Variants in PIEZO2 observed in about 807,000 individuals in gnomAD.
PIEZO2 encodes the protein piezo-type mechanosensitive ion channel component 2.
Under a neutral mutation model 337.3 loss-of-function variants are expected in PIEZO2, and 172 were observed. That is an observed-to-expected ratio of 0.51 (90% CI 0.45 to 0.58). The LOEUF (loss-of-function observed/expected upper bound fraction) is 0.58, where lower values mean the gene tolerates loss of function less well. Ranked by LOEUF, PIEZO2 falls within the 20% of genes least tolerant of loss-of-function variation. PIEZO2 has a pLI of 0.00. For synonymous variants in PIEZO2, 1,251 were observed against 1,228.5 expected (o/e 1.02, Z -0.38); for missense variants, 3,028 against 3,391.3 (o/e 0.89, Z 2.66).
chr18:11,049,813 CTG>C (rs2145843907), intron 2 of PIEZO2, among the ~76,000 whole-genome samples: 1 of 152,304 alleles, frequency 6.6e-6, no homozygotes, highest in South Asian at 2.1e-4. Flanking sequence ...CCACGTGGAA[CTG>C]TGAGTCCATT....
At chr18:10,866,262 C>G (rs957942943) in intron 5 of PIEZO2, among the ~76,000 whole-genome samples, 17 of 150,608 alleles carry the variant, frequency 1.1e-4, no homozygotes, top group African/African-American at 3.7e-4. Flanking sequence ...ACTCAATGAA[C>G]ATATTGTCAA....
intron 27 of PIEZO2, among the ~76,000 whole-genome samples, chr18:10,754,349 T>A (rs2037756965): frequency 6.6e-6 from 1 of 152,196 alleles, no homozygotes; most frequent in Non-Finnish European, 1.5e-5. Flanking sequence ...CTGACCCCTG[T>A]TGGAGAGGAA....
chr18:10,866,011 TA>T (rs937295186), intron 5 of PIEZO2, among the ~76,000 whole-genome samples: 5 of 152,210 alleles, frequency 3.3e-5, no homozygotes, highest in African/African-American at 1.2e-4. Context: ...AATATTGATC[TA>T]AAAAGATAGT....
In PIEZO2 at chr18:11,008,222, C is replaced by T. The variant is rs114648982; in HGVS notation, c.161-28562G>A. Among the ~76,000 whole-genome samples the T allele has an allele frequency of 9.4e-3, 1,424 of 152,248 alleles. 23 individuals are homozygous for T. Among genetic ancestry groups the T allele is most frequent in the African/African-American group, 0.031 (1,296 of 41,542 alleles). On this transcript the variant is annotated intron_variant, in intron 2 of 55. Transcript: ENST00000674853. Reference sequence around the variant, plus strand: ...CTAAATTGTCTAGATACTGACCAAACTACCTTTGCCTCTGAGCCACAATTC... The same window carrying T: ...CTAAATTGTCTAGATACTGACCAAATTACCTTTGCCTCTGAGCCACAATTC...
chr18:10,925,420 A>AT (rs1568205114), intron 3 of PIEZO2, among the ~76,000 whole-genome samples: 3 of 152,178 alleles, frequency 2.0e-5, no homozygotes, highest in Non-Finnish European at 4.4e-5. Flanking sequence ...TTGATCCCTC[A>AT]AATATAATGG....
chr18:11,049,660 A>G (rs113742879), intron 2 of PIEZO2, among the ~76,000 whole-genome samples: 1,921 of 152,242 alleles, frequency 0.013, 49 homozygotes, highest in African/African-American at 0.044. Context: ...GGTTTCCCCC[A>G]TACTGTTCTC....
chr18:11,073,800 A>G (rs1250855708), intron 1 of PIEZO2, among the ~76,000 whole-genome samples: 1 of 151,904 alleles, frequency 6.6e-6, no homozygotes, highest in East Asian at 1.9e-4. Flanking sequence ...GAACTTGGCA[A>G]TATGGCACAT....
rs763624322 is a variant in PIEZO2, at chr18:11,148,657, G to C, written c.-69C>G. 6.7e-7 allele frequency: 1 copy of C among 1,481,864 alleles called. No homozygotes were observed. Among genetic ancestry groups the C allele is most frequent in the South Asian group, 1.2e-5 (1 of 82,812 alleles). 91.8% of individuals were successfully genotyped at this position (1,481,864 alleles called of 1,614,324 possible). ...GTCCCTAGGGGTGGTGGGACGCAAG[G>C]CCCATGCCCGTCTATGGCCTCTCGC... is the stretch of plus-strand genomic sequence containing the variant. On this transcript the variant is annotated 5_prime_UTR_variant, in exon 1 of 56. Transcript: ENST00000674853. This position sits in a 1 kb window ranked among gnomAD's most constrained non-coding sequence, Gnocchi z 5.2.
rs2040754319 is a variant in PIEZO2, at chr18:10,828,754, C to T, written c.918-21480G>A. Among the ~76,000 whole-genome samples the T allele has an allele frequency of 6.6e-6, 1 of 152,100 alleles. No individual in the cohort carries two copies. Among genetic ancestry groups the T allele is most frequent in the Admixed American group, 6.5e-5 (1 of 15,274 alleles). ...AACATGACAGTCTTATAATACATTT[C>T]CCTTCCTTACTAGCTAATGCCCAGA... On this transcript the variant is annotated intron_variant, in intron 7 of 55. Coordinates refer to ENST00000674853, the MANE Select transcript of PIEZO2 (RefSeq NM_001378183.1). The surrounding 1 kb of genome is among the most constrained non-coding windows in gnomAD (Gnocchi z 4.1).
Position 10,861,958 on chromosome 18 carries a change from C to T in PIEZO2, c.493-4747G>A, listed in dbSNP as rs2041884962. On this transcript the variant is annotated intron_variant, in intron 5 of 55. Transcript: ENST00000674853. The surrounding 1 kb of genome is among the most constrained non-coding windows in gnomAD (Gnocchi z 4.3). ...ACTGGAACCAACGAGGCAGAGGTCGCAGTGAGCCGAGATCACGCCACTGCA... is the reference window on the plus strand; with the variant it reads ...ACTGGAACCAACGAGGCAGAGGTCGTAGTGAGCCGAGATCACGCCACTGCA... 6.6e-6 allele frequency among the ~76,000 whole-genome samples: 1 copy of T among 151,816 alleles called. No individual in the cohort carries two copies.
chr18:10,789,182 T>C lies in PIEZO2; in HGVS notation c.2066A>G (p.Tyr689Cys). The stretch of plus-strand genomic sequence containing the variant: ...GAAGAAGAACATGCCTCCGCAGACG[T>C]AGATCCAGTACTTGATGAACATGGC... Reference protein sequence around the residue: ...VVAMFIKYWIYVCGGMFFFVS... With the variant: ...VVAMFIKYWICVCGGMFFFVS... Residue 689 changes from tyrosine to cysteine, a missense_variant, in exon 15 of 56, where the codon TAC (tyrosine) becomes TGC (cysteine). Physicochemically the swap from Tyr to Cys is radical, Grantham distance 194. Transcript: ENST00000674853. 2.0e-6 allele frequency: 3 copies of C among 1,537,274 alleles called. No individual in the cohort carries two copies. The highest frequency in any genetic ancestry group is 2.0e-5 in the Admixed American group (1 of 51,002).
At chr18:11,040,109 GA>G (rs11325126) in intron 2 of PIEZO2, among the ~76,000 whole-genome samples, 91,446 of 146,932 alleles carry the variant, frequency 0.62, 28,270 homozygotes, top group Non-Finnish European at 0.66. Context: ...AATACCATCT[GA>G]AAAAAAAAAA....
intron 11 of PIEZO2, among the ~76,000 whole-genome samples, chr18:10,798,927 T>C (rs923600454): frequency 3.3e-5 from 5 of 151,748 alleles, no homozygotes; most frequent in African/African-American, 1.2e-4. Flanking sequence ...AACGAAACAG[T>C]AGAGTTTGAA....
chr18:11,058,849 A>C (rs1036615380), intron 2 of PIEZO2, among the ~76,000 whole-genome samples: 3 of 152,234 alleles, frequency 2.0e-5, no homozygotes, highest in Non-Finnish European at 4.4e-5. Flanking sequence ...ATTATACAGA[A>C]GAACTTCCCC....
At chr18:10,875,604 T>C (rs548653038) in intron 4 of PIEZO2, among the ~76,000 whole-genome samples, 4 of 152,330 alleles carry the variant, frequency 2.6e-5, no homozygotes, top group Non-Finnish European at 5.9e-5. Context: ...TGTGTCATTT[T>C]ATGAAAAGCA....
At chr18:10,976,054 A>G (rs2034431000) in intron 3 of PIEZO2, among the ~76,000 whole-genome samples, 2 of 152,230 alleles carry the variant, frequency 1.3e-5, no homozygotes, top group Non-Finnish European at 2.9e-5. Context: ...ATAACTCTAA[A>G]TGCTTGAGAA....
At chr18:11,044,296 T>C (rs2037228004) in intron 2 of PIEZO2, among the ~76,000 whole-genome samples, 2 of 152,086 alleles carry the variant, frequency 1.3e-5, no homozygotes, top group Non-Finnish European at 2.9e-5. Context: ...ATATTATTAA[T>C]AATAACTTAA....
At chr18:10,890,406 AG>A (rs1459897264) in intron 4 of PIEZO2, 1 of 152,238 alleles carries the variant, frequency 6.6e-6, no homozygotes, top group Admixed American at 6.5e-5. Context: ...AGAATGTATT[AG>A]TCTGTTCTCA....
In PIEZO2 at chr18:10,758,107, G is replaced by A. The variant is rs2037961632; in HGVS notation, c.3785C>T (p.Ser1262Phe). 2 of 1,537,588 alleles carry A rather than the reference G, an allele frequency of 1.3e-6. No individual in the cohort carries two copies. The change falls in exon 27 of 56, where the codon TCC becomes TTC. Residue 1262 changes from serine (S) to phenylalanine (F), a missense_variant. This residue lies in a region of PIEZO2 where 1,925 missense variants were observed against 2,051.9 expected (regional missense o/e 0.94). Transcript: ENST00000674853. The stretch of plus-strand genomic sequence containing the variant: ...ATCCTCAAAAATCTGCCGTTGTAAG[G>A]AGGCACACAGAAGCAGCATGAAGTC... ...VYDFMLLLCA[S>F]LQRQIFEDEN... is the part of the protein sequence containing the mutation.
Sources: allele counts gnomAD v4.1 joint callset (sites outside exome capture counted in the v4.1 genomes callset), GRCh38; gene constraint gnomAD v4.1.1; regional missense constraint gnomAD v4.1.1; non-coding constraint Gnocchi (gnomAD v3.1); transcripts MANE v1.5; gene names NCBI Gene and HGNC (gene_info 2026-07-23, HGNC 2026-07-21).